Variants in BABAM2 observed in about 807,000 individuals in gnomAD.
The protein encoded by BABAM2 is BRISC and BRCA1 A complex member 2.
Under a neutral mutation model 54.7 loss-of-function variants are expected in BABAM2, and 31 were observed. That is an observed-to-expected ratio of 0.57 (90% CI 0.43 to 0.77). The LOEUF (loss-of-function observed/expected upper bound fraction) is 0.77, where lower values mean the gene tolerates loss of function less well. Among genes scored for constraint, BABAM2 ranks in the 30% least tolerant of loss-of-function variants. BABAM2 has a pLI of 0.00. For missense variants in BABAM2, 364 were observed against 455.8 expected, an observed-to-expected ratio of 0.80 and a Z score of 1.83; for synonymous variants, 167 against 162.9, an observed-to-expected ratio of 1.03 and a Z score of -0.19.
intron 6 of BABAM2, among the ~76,000 whole-genome samples, chr2:28,053,973 C>T (rs1678197687): frequency 2.0e-5 from 3 of 152,100 alleles, no homozygotes. Flanking sequence ...CTATGTTTTT[C>T]ATGAATATGT....
intron 6 of BABAM2, among the ~76,000 whole-genome samples, chr2:28,061,577 T>A (rs1196384600): frequency 1.5e-5 from 2 of 131,318 alleles, no homozygotes; most frequent in African/African-American, 6.0e-5. Flanking sequence ...AGAGTGAGAC[T>A]CTGTCTCAAA....
At chr2:27,948,629 G>A (rs1669475148) in intron 3 of BABAM2, among the ~76,000 whole-genome samples, 1 of 152,108 alleles carries the variant, frequency 6.6e-6, no homozygotes, top group Non-Finnish European at 1.5e-5. Context: ...AAATCACTTA[G>A]GCATGATGGC....
At chr2:28,235,516 C>T (rs946561532) in intron 7 of BABAM2, among the ~76,000 whole-genome samples, 1 of 152,112 alleles carries the variant, frequency 6.6e-6, no homozygotes, top group African/African-American at 2.4e-5. Context: ...TTTCAGAAAC[C>T]TGTAGTCAAT....
intron 10 of BABAM2, among the ~76,000 whole-genome samples, chr2:28,279,147 C>T (rs1010981751): frequency 6.6e-6 from 1 of 152,142 alleles, no homozygotes; most frequent in East Asian, 1.9e-4. Context: ...GTATGGAGTT[C>T]GGCTTCCTCT....
intron 6 of BABAM2, among the ~76,000 whole-genome samples, chr2:28,109,547 G>A (rs1463537057): frequency 6.6e-6 from 1 of 152,158 alleles, no homozygotes. Context: ...GCTGTCAACC[G>A]CTGAATCAGA....
chr2:27,989,442 G>A (rs994026260), intron 4 of BABAM2, among the ~76,000 whole-genome samples: 4 of 152,130 alleles, frequency 2.6e-5, no homozygotes, highest in African/African-American at 9.7e-5. Context: ...AAGCACATTG[G>A]GGGAATGACA....
intron 3 of BABAM2, among the ~76,000 whole-genome samples, chr2:27,960,276 T>A (rs767180940): frequency 6.6e-6 from 1 of 152,160 alleles, no homozygotes; most frequent in Non-Finnish European, 1.5e-5. Flanking sequence ...GGGTGGAGTT[T>A]TGCACAGACT....
At chr2:27,983,849 GT>G (rs1441927127) in intron 3 of BABAM2, among the ~76,000 whole-genome samples, 1 of 148,816 alleles carries the variant, frequency 6.7e-6, no homozygotes, top group African/African-American at 2.5e-5. Flanking sequence ...CTCATTGTTT[GT>G]GTGGATTCAT....
chr2:28,150,657 G>A (rs1671935964), intron 7 of BABAM2, among the ~76,000 whole-genome samples: 1 of 152,200 alleles, frequency 6.6e-6, no homozygotes, highest in Non-Finnish European at 1.5e-5. Context: ...AAAGAGCTGT[G>A]CTTCTCTCTT....
chr2:28,332,393 T>C (rs1691038464), intron 11 of BABAM2, among the ~76,000 whole-genome samples: 3 of 152,218 alleles, frequency 2.0e-5, no homozygotes, highest in African/African-American at 7.2e-5. Context: ...CAAGATCACA[T>C]GGATGATATC....
intron 7 of BABAM2, among the ~76,000 whole-genome samples, chr2:28,177,017 G>A (rs946427778): frequency 6.6e-6 from 1 of 152,058 alleles, no homozygotes; most frequent in Admixed American, 6.6e-5. Flanking sequence ...ATCTTTCTAA[G>A]TATAGCAATA....
At chr2:27,994,875 C>G (rs918930503) in intron 4 of BABAM2, among the ~76,000 whole-genome samples, 1 of 152,092 alleles carries the variant, frequency 6.6e-6, no homozygotes, top group Non-Finnish European at 1.5e-5. Context: ...GGTTTCTCAA[C>G]TTTATTAGTT....
chr2:27,910,751 G>A (rs1666522427), intron 2 of BABAM2, among the ~76,000 whole-genome samples: 1 of 152,144 alleles, frequency 6.6e-6, no homozygotes, highest in Non-Finnish European at 1.5e-5. Context: ...GCAGATAGTT[G>A]TAGATCACCC....
rs1274094981 is a variant in BABAM2 at position 28,260,846 on chromosome 2, C to G, written c.934+15984C>G. Among the ~76,000 whole-genome samples the G allele has an allele frequency of 2.6e-5, 4 of 151,720 alleles. No individual in the cohort carries two copies. In the East Asian group the frequency reaches 7.7e-4, roughly 29 times the overall value. Reference sequence around the variant, plus strand: ...TCCCATAGCAATGTTTTGTAGTTTTCAATATACAAGTCTTGCACATCTTTT... The same window carrying G: ...TCCCATAGCAATGTTTTGTAGTTTTGAATATACAAGTCTTGCACATCTTTT... On this transcript the variant is annotated intron_variant, in intron 10 of 11. Coordinates refer to ENST00000379624, the MANE Select transcript of BABAM2 (RefSeq NM_199191.3).
chr2:27,992,935 G>A (rs947333536), intron 4 of BABAM2, among the ~76,000 whole-genome samples: 2 of 152,126 alleles, frequency 1.3e-5, no homozygotes, highest in Admixed American at 6.6e-5. Flanking sequence ...TTCTTGAAGT[G>A]TCATTATATC....
rs963232398 is a variant in BABAM2, at chr2:28,118,817, G to A, written c.571-10454G>A. Among the ~76,000 whole-genome samples, 4 of 152,162 alleles carry A rather than the reference G, an allele frequency of 2.6e-5. 1 individual carries two copies. Among genetic ancestry groups the A allele is most frequent in the Middle Eastern group, 6.8e-3 (2 of 294 alleles). On this transcript the variant is annotated intron_variant, in intron 6 of 11. Transcript: ENST00000379624. ...AAGCTTTTGCCCATATGTCCTGAAT[G>A]GTATTGTCTAGGTTTTCTTCTAGGG... is the stretch of plus-strand genomic sequence containing the variant.
intron 3 of BABAM2, among the ~76,000 whole-genome samples, chr2:27,950,270 T>C (rs879674195): frequency 2.0e-5 from 3 of 152,210 alleles, no homozygotes; most frequent in Non-Finnish European, 2.9e-5. Context: ...TTTTAAAATA[T>C]CTTGTCAGAA....
chr2:28,096,732 CCCTT>C (rs1383903539), intron 6 of BABAM2, among the ~76,000 whole-genome samples: 3 of 151,778 alleles, frequency 2.0e-5, no homozygotes, highest in Non-Finnish European at 2.9e-5. Context: ...CTCCCCCACT[CCCTT>C]CCTTCTTCCC....
intron 3 of BABAM2, among the ~76,000 whole-genome samples, chr2:27,965,658 TAC>T (rs757230016): frequency 6.6e-6 from 1 of 152,188 alleles, no homozygotes; most frequent in African/African-American, 2.4e-5. Context: ...GCTATATATA[TAC>T]ACACACGTAT....
Sources: allele counts gnomAD v4.1 joint callset (sites outside exome capture counted in the v4.1 genomes callset), GRCh38; gene constraint gnomAD v4.1.1; transcripts MANE v1.5; gene names NCBI Gene and HGNC (gene_info 2026-07-23, HGNC 2026-07-21).